SUGCT: variants seen among roughly 807,000 people sequenced by gnomAD.
SUGCT encodes succinyl-CoA:glutarate-CoA transferase.
In SUGCT, 41 loss-of-function variants were observed where a neutral mutation model predicts 55.0. The observed-to-expected ratio is 0.74, with a 90% CI of 0.58 to 0.97. The LOEUF is 0.97. Ranked by LOEUF, SUGCT falls within the 50% of genes least tolerant of loss-of-function variation. The pLI is 0.00. For missense variants in SUGCT, 568 were observed against 547.8 expected (o/e 1.04, Z -0.37); for synonymous variants, 187 against 200.4 (o/e 0.93, Z 0.56).
chr7:40,196,298 G>A (rs1224022687), intron 6 of SUGCT, among the ~76,000 whole-genome samples: 4 of 152,090 alleles, frequency 2.6e-5, no homozygotes. Context: ...TTAATAGTTT[G>A]CATCAGAAAA....
At chr7:40,653,968 A>T (rs1353757126) in intron 12 of SUGCT, among the ~76,000 whole-genome samples, 2 of 152,092 alleles carry the variant, frequency 1.3e-5, no homozygotes, top group African/African-American at 2.4e-5. Flanking sequence ...TACTGGAGAC[A>T]TATGGTTAAA....
At chr7:40,461,631 T>C (rs972377778) in intron 11 of SUGCT, among the ~76,000 whole-genome samples, 2 of 152,206 alleles carry the variant, frequency 1.3e-5, no homozygotes, top group Non-Finnish European at 2.9e-5. Flanking sequence ...TCAACGTTAG[T>C]TGTCATTATG....
chr7:40,364,428 G>A (rs1329061302), intron 9 of SUGCT, among the ~76,000 whole-genome samples: 1 of 152,028 alleles, frequency 6.6e-6, no homozygotes, highest in Non-Finnish European at 1.5e-5. Context: ...TTTACATTTT[G>A]GCATGATTTT....
chr7:40,801,114 G>A (rs539478982), intron 13 of SUGCT, among the ~76,000 whole-genome samples: 8 of 152,308 alleles, frequency 5.3e-5, no homozygotes, highest in African/African-American at 1.9e-4. Context: ...GTACTAATAG[G>A]TAGAAAGAAG....
At chr7:41,037,926 A>T in the SUGCT span, among the ~76,000 whole-genome samples, 2 of 152,152 alleles carry the variant, frequency 1.3e-5, no homozygotes, top group African/African-American at 4.8e-5. Context: ...TTTGGTTCTT[A>T]ATCCATATAA....
At chr7:40,620,930 G>C (rs1234121442) in intron 12 of SUGCT, among the ~76,000 whole-genome samples, 1 of 151,980 alleles carries the variant, frequency 6.6e-6, no homozygotes, top group Non-Finnish European at 1.5e-5. Context: ...AACTTACTTT[G>C]GTTTAATTCA....
chr7:40,628,885 C>T (rs1396225637), intron 12 of SUGCT, among the ~76,000 whole-genome samples: 7 of 152,192 alleles, frequency 4.6e-5, no homozygotes, highest in East Asian at 1.9e-4. Context: ...GGACTACAGG[C>T]GTGCACCACC....
At chr7:40,691,681 T>G (rs1008850221) in intron 12 of SUGCT, among the ~76,000 whole-genome samples, 1 of 152,236 alleles carries the variant, frequency 6.6e-6, no homozygotes, top group African/African-American at 2.4e-5. Flanking sequence ...AGATTTATAG[T>G]ATTCAAGTCA....
chr7:40,256,776 C>T (rs1270717677), intron 7 of SUGCT, among the ~76,000 whole-genome samples: 1 of 152,144 alleles, frequency 6.6e-6, no homozygotes, highest in African/African-American at 2.4e-5. Flanking sequence ...CAGAGTCTCA[C>T]TCTGTCACCC....
the SUGCT span, among the ~76,000 whole-genome samples, chr7:40,933,768 T>C: frequency 1.3e-5 from 2 of 152,218 alleles, no homozygotes; most frequent in African/African-American, 4.8e-5. Context: ...TCTTATGCCA[T>C]GGTTTTCAGC....
chr7:40,508,278 A>G (rs1583858731), intron 12 of SUGCT, among the ~76,000 whole-genome samples: 2 of 152,056 alleles, frequency 1.3e-5, no homozygotes, highest in South Asian at 2.1e-4. Flanking sequence ...GGCAACAAGA[A>G]CCCCGGTGCC....
chr7:40,930,385 G>T, the SUGCT span, among the ~76,000 whole-genome samples: 1 of 152,174 alleles, frequency 6.6e-6, no homozygotes. Context: ...TTTTGCTTAG[G>T]ATTGTCTTGG....
At chr7:40,318,371 T>G (rs1039056636) in intron 9 of SUGCT, among the ~76,000 whole-genome samples, 3 of 1,622 alleles carry the variant, frequency 1.8e-3, no homozygotes, top group African/African-American at 2.0e-3. Flanking sequence ...CAAGGGTATT[T>G]TAACAGAACA....
At chr7:40,861,270 A>G (rs1360290220), downstream of SUGCT, among the ~76,000 whole-genome samples, 1 of 152,234 alleles carries the variant, frequency 6.6e-6, no homozygotes, top group African/African-American at 2.4e-5. Flanking sequence ...AGGTTCTTAA[A>G]TGACTATCCA....
chr7:40,432,502 A>G (rs1008404306), intron 9 of SUGCT, among the ~76,000 whole-genome samples: 4 of 152,108 alleles, frequency 2.6e-5, no homozygotes, highest in African/African-American at 7.2e-5. Context: ...GATGACCAAC[A>G]TGGTGAAATC....
intron 8 of SUGCT, among the ~76,000 whole-genome samples, chr7:40,284,693 A>G (rs1401525803): frequency 6.6e-6 from 1 of 151,988 alleles, no homozygotes. Flanking sequence ...ATCAAACATT[A>G]TATGTACTAT....
chr7:40,908,370 G>A, the SUGCT span, among the ~76,000 whole-genome samples: 3 of 131,270 alleles, frequency 2.3e-5, no homozygotes, highest in East Asian at 2.2e-4. Context: ...GGCACAGAGC[G>A]AGACTCTGTC....
chr7:40,411,711 G>T (rs1361220501), intron 9 of SUGCT, among the ~76,000 whole-genome samples: 1 of 152,100 alleles, frequency 6.6e-6, no homozygotes, highest in East Asian at 1.9e-4. Flanking sequence ...CAACAGATCC[G>T]TTGGTTGACT....
intron 11 of SUGCT, among the ~76,000 whole-genome samples, chr7:40,486,855 C>T (rs1405454453): frequency 1.3e-5 from 2 of 151,158 alleles, no homozygotes; most frequent in Admixed American, 6.6e-5. Context: ...CCTCCTTGTA[C>T]TATAAGCAAA....
Sources: gnomAD v4.1 joint callset for allele counts (sites outside exome capture counted in the v4.1 genomes callset) on GRCh38, gnomAD v4.1.1 for gene constraint, MANE v1.5 for transcripts, NCBI Gene and HGNC (gene_info 2026-07-23, HGNC 2026-07-21) for gene names.